MARK1: variants seen among roughly 807,000 people sequenced by gnomAD.
MARK1 encodes the protein serine/threonine-protein kinase MARK1.
Under a neutral mutation model 96.3 loss-of-function variants are expected in MARK1, and 40 were observed. The ratio of observed to expected loss-of-function variants is 0.42; its 90% CI spans 0.32 to 0.54. The LOEUF (loss-of-function observed/expected upper bound fraction) is 0.54. MARK1 is among the 20% of genes least tolerant of loss of function. The pLI is 0.16. For missense variants in MARK1, 719 were observed against 984.6 expected (o/e 0.73, Z 3.61); for synonymous variants, 317 against 341.2 (o/e 0.93, Z 0.78).
intron 1 of MARK1, among the ~76,000 whole-genome samples, chr1:220,535,853 T>C (rs1011858407): frequency 3.3e-5 from 5 of 152,178 alleles, no homozygotes; most frequent in Admixed American, 2.0e-4. Context: ...AGCTCTCTAT[T>C]CTGTTCTTAG....
At chr1:220,571,495 T>C (rs1420788879) in intron 1 of MARK1, among the ~76,000 whole-genome samples, 1 of 152,144 alleles carries the variant, frequency 6.6e-6, no homozygotes, top group Non-Finnish European at 1.5e-5. Flanking sequence ...TCCACCATCG[T>C]ACTATTTAAT....
intron 1 of MARK1, among the ~76,000 whole-genome samples, chr1:220,556,763 A>G (rs1662292648): frequency 6.6e-6 from 1 of 152,242 alleles, no homozygotes; most frequent in South Asian, 2.1e-4. Flanking sequence ...TGTCACTGAA[A>G]TTAAAATCTC....
intron 9 of MARK1, among the ~76,000 whole-genome samples, chr1:220,629,207 A>G (rs1313360174): frequency 1.3e-5 from 2 of 152,190 alleles, no homozygotes; most frequent in Non-Finnish European, 1.5e-5. Flanking sequence ...AGCAATTAAT[A>G]TATCAGCACC....
intron 3 of MARK1, among the ~76,000 whole-genome samples, chr1:220,590,906 T>G (rs971675658): frequency 1.3e-5 from 2 of 152,158 alleles, no homozygotes; most frequent in African/African-American, 4.8e-5. Context: ...CTTTGAGATA[T>G]AGGAACCCAA....
chr1:220,657,800 G>A lies in MARK1; in HGVS notation c.1999G>A (p.Glu667Lys). 6.3e-7 allele frequency: 1 copy of A among 1,578,102 alleles called. No homozygotes were observed. Among genetic ancestry groups the A allele is most frequent in the Non-Finnish European group, 8.6e-7 (1 of 1,167,122 alleles). ...TCACTTTGTTTTGAGGGATCCAAGT[G>A]AAGGCGAAGCCAGTGGCAGAACCGA... is the stretch of plus-strand genomic sequence containing the variant. ...TSKFVRRDPS[E>K]GEASGRTDTS... is the part of the protein sequence containing the mutation. The change falls in exon 17 of 18, where the codon GAA (glutamate) becomes AAA (lysine). Residue 667 changes from glutamate (E) to lysine (K), a missense_variant. Glu to Lys is a moderately conservative substitution (Grantham distance 56). Coordinates refer to ENST00000366917, the MANE Select transcript of MARK1 (RefSeq NM_018650.5).
intron 15 of MARK1, among the ~76,000 whole-genome samples, 199 bp downstream of exon 15, chr1:220,652,349 C>A (rs1668928676): frequency 6.6e-6 from 1 of 152,146 alleles, no homozygotes; most frequent in Non-Finnish European, 1.5e-5. Context: ...TAACTTAAAT[C>A]ATTTTCTAGA....
intron 16 of MARK1, among the ~76,000 whole-genome samples, chr1:220,656,145 A>G (rs977282937): frequency 6.6e-6 from 1 of 152,164 alleles, no homozygotes; most frequent in Non-Finnish European, 1.5e-5. Context: ...AGTGTTGGAG[A>G]GCATGCTGTG....
chr1:220,651,916 C>G, intron 14 of MARK1, 70 bp from the exon 15 acceptor site: 3 of 1,306,444 alleles, frequency 2.3e-6, no homozygotes, highest in Non-Finnish European at 3.1e-6. Flanking sequence ...AAATATAGTT[C>G]TTAAATTTTA....
chr1:220,646,042 T>A (rs1481011581), intron 13 of MARK1, among the ~76,000 whole-genome samples: 1 of 152,076 alleles, frequency 6.6e-6, no homozygotes, highest in Admixed American at 6.6e-5. Context: ...CAACATAGTA[T>A]TGGAAGTTCT....
chr1:220,650,489 A>G lies in MARK1; in HGVS notation c.1471-131A>G. On this transcript the variant is annotated intron_variant, in intron 13 of 17. Coordinates refer to ENST00000366917, the MANE Select transcript of MARK1 (RefSeq NM_018650.5). ...TCTAAATTAGAGAGAGGCAGGGGAT[A>G]ATCTTGTTAATATAAGATTCTGATC... 11 of 603,542 alleles carry G rather than the reference A, an allele frequency of 1.8e-5. No individual in the cohort carries two copies. In the South Asian group the frequency reaches 2.5e-4, roughly 14 times the overall value. 37.4% of individuals were successfully genotyped at this position (603,542 alleles called of 1,614,324 possible). A position where few individuals can be genotyped will look rare whatever the true frequency, so the allele number is the denominator to read the frequency against.
At chr1:220,549,223 C>T (rs543549716) in intron 1 of MARK1, among the ~76,000 whole-genome samples, 1 of 152,272 alleles carries the variant, frequency 6.6e-6, no homozygotes, top group African/African-American at 2.4e-5. Context: ...TAGATGTGAC[C>T]TTGGGAAGCC....
intron 1 of MARK1, among the ~76,000 whole-genome samples, chr1:220,550,799 T>G (rs1048339852): frequency 6.6e-6 from 1 of 152,264 alleles, no homozygotes; most frequent in Non-Finnish European, 1.5e-5. Context: ...AATCTCATGT[T>G]CAATTACCTT....
intron 1 of MARK1, among the ~76,000 whole-genome samples, chr1:220,569,699 A>T (rs2589581): frequency 0.016 from 2,359 of 152,074 alleles, 34 homozygotes; most frequent in Middle Eastern, 0.044. Flanking sequence ...TCACACTAAC[A>T]TATCACATAT....
chr1:220,652,665 C>A (rs1211464295), intron 15 of MARK1, among the ~76,000 whole-genome samples: 1 of 152,150 alleles, frequency 6.6e-6, no homozygotes, highest in Admixed American at 6.5e-5. Flanking sequence ...AACATTTTAA[C>A]CCTCTGTTAG....
At chr1:220,599,278 A>T (rs904862294) in intron 4 of MARK1, among the ~76,000 whole-genome samples, 3 of 152,072 alleles carry the variant, frequency 2.0e-5, no homozygotes, top group Non-Finnish European at 4.4e-5. Context: ...TTTTTTGCAC[A>T]TTTAAAAATC....
chr1:220,649,124 C>G (rs530370530), intron 13 of MARK1, among the ~76,000 whole-genome samples: 1 of 152,058 alleles, frequency 6.6e-6, no homozygotes, highest in Non-Finnish European at 1.5e-5. Context: ...CTGTGAAATA[C>G]GGATGACATT....
chr1:220,611,878 A>G (rs1023428464), intron 6 of MARK1, among the ~76,000 whole-genome samples: 1 of 151,964 alleles, frequency 6.6e-6, no homozygotes, highest in African/African-American at 2.4e-5. Flanking sequence ...GATTACAGGC[A>G]CACACCACCA....
At chr1:220,601,439 A>G (rs1449408202) in intron 5 of MARK1, among the ~76,000 whole-genome samples, 3 of 152,140 alleles carry the variant, frequency 2.0e-5, no homozygotes, top group Non-Finnish European at 2.9e-5. Context: ...GTAAATTTCC[A>G]TAAAATGTGG....
intron 6 of MARK1, among the ~76,000 whole-genome samples, chr1:220,607,009 T>G (rs920246602): frequency 6.6e-6 from 1 of 152,204 alleles, no homozygotes; most frequent in African/African-American, 2.4e-5. Context: ...ATGCAGGCTC[T>G]TTTTTGGTTC....
Sources: gnomAD v4.1 joint callset for allele counts (sites outside exome capture counted in the v4.1 genomes callset) on GRCh38, gnomAD v4.1.1 for gene constraint, MANE v1.5 for transcripts, NCBI Gene and HGNC (gene_info 2026-07-23, HGNC 2026-07-21) for gene names.